The following CDH13 variants were observed in gnomAD, a reference collection of about 807,000 sequenced individuals.
CDH13 encodes the protein cadherin 13, also known as cadherin-13.
CDH13 carries 24 observed loss-of-function variants against 63.8 expected under a neutral mutation model. The ratio of observed to expected loss-of-function variants is 0.38; its 90% CI spans 0.27 to 0.53. CDH13 has a LOEUF of 0.53. Ranked by LOEUF, CDH13 falls within the 20% of genes least tolerant of loss-of-function variation. The pLI is 0.85. For missense variants in CDH13, 1,049 were observed against 903.1 expected, an observed-to-expected ratio of 1.16 and a Z score of -2.07; for synonymous variants, 503 against 355.3, an observed-to-expected ratio of 1.42 and a Z score of -4.67.
intron 10 of CDH13, among the ~76,000 whole-genome samples, chr16:83,707,314 C>T (rs1907229882): frequency 6.6e-6 from 1 of 152,106 alleles, no homozygotes; most frequent in Non-Finnish European, 1.5e-5. Flanking sequence ...CCTTGAATTC[C>T]TCCATTCTAT....
At chr16:83,353,536 A>G (rs182235603) in intron 6 of CDH13, among the ~76,000 whole-genome samples, 1 of 152,356 alleles carries the variant, frequency 6.6e-6, no homozygotes, top group Admixed American at 6.5e-5. Flanking sequence ...TAACCAACCA[A>G]CAGAACTGTA....
intron 2 of CDH13, among the ~76,000 whole-genome samples, chr16:82,934,341 A>T (rs2042597363): frequency 1.3e-5 from 2 of 152,172 alleles, no homozygotes; most frequent in Admixed American, 6.5e-5. Flanking sequence ...CCTTTTATCC[A>T]TGGCTGGAGA....
intron 2 of CDH13, among the ~76,000 whole-genome samples, chr16:82,893,737 C>G (rs752009082): frequency 6.6e-6 from 1 of 152,174 alleles, no homozygotes; most frequent in African/African-American, 2.4e-5. Flanking sequence ...AGCACAACAC[C>G]TATTAGCTCG....
intron 11 of CDH13, among the ~76,000 whole-genome samples, chr16:83,761,205 C>G (rs1729739379): frequency 6.6e-6 from 1 of 152,122 alleles, no homozygotes; most frequent in Admixed American, 6.5e-5. Context: ...AAATAAAGAG[C>G]CCTTTGGACC....
chr16:83,272,133 C>G (rs1198687801), intron 5 of CDH13, among the ~76,000 whole-genome samples: 1 of 152,188 alleles, frequency 6.6e-6, no homozygotes, highest in Non-Finnish European at 1.5e-5. Context: ...GTACCTCTCT[C>G]AGTCCTCACC....
chr16:83,031,963 CT>C, intron 2 of CDH13, 46 bp from the exon 3 acceptor site: 11 of 1,438,448 alleles, frequency 7.6e-6, no homozygotes, highest in Non-Finnish European at 1.1e-5. Flanking sequence ...CAGAGATAAG[CT>C]GCCCAACCTA....
rs73601078 is a variant in CDH13, at chr16:82,693,729, A to G, written c.45+66592A>G. Among the ~76,000 whole-genome samples the G allele has an allele frequency of 8.8e-3, 1,336 of 152,330 alleles. 15 individuals are homozygous for G. Among genetic ancestry groups the G allele is most frequent in the African/African-American group, 0.031 (1,268 of 41,572 alleles). On this transcript the variant is annotated intron_variant, in intron 1 of 13. Coordinates refer to ENST00000567109, the MANE Select transcript of CDH13 (RefSeq NM_001257.5). ...TTACATTCTGATGTTTATTTGAGCT[A>G]TTGCCTATTGCCACTTGAGGCATAT...
At chr16:83,108,816 G>A (rs1322833430) in intron 3 of CDH13, among the ~76,000 whole-genome samples, 1 of 152,106 alleles carries the variant, frequency 6.6e-6, no homozygotes, top group Non-Finnish European at 1.5e-5. Flanking sequence ...CCCATCCCTA[G>A]GAGAGTCCTC....
At chr16:83,294,597 T>C (rs532624823) in intron 5 of CDH13, among the ~76,000 whole-genome samples, 1 of 119,156 alleles carries the variant, frequency 8.4e-6, no homozygotes, top group East Asian at 2.8e-4. Context: ...TACATATATA[T>C]GTGTATGTGT....
chr16:83,311,027 G>A (rs1432090805), intron 5 of CDH13, among the ~76,000 whole-genome samples: 1 of 152,202 alleles, frequency 6.6e-6, no homozygotes, highest in Non-Finnish European at 1.5e-5. Flanking sequence ...TGTGGTGGGA[G>A]CCTCCCCACT....
chr16:83,785,130 A>T (rs1386108210), intron 13 of CDH13, among the ~76,000 whole-genome samples: 1 of 152,174 alleles, frequency 6.6e-6, no homozygotes, highest in Non-Finnish European at 1.5e-5. Flanking sequence ...AACGTTGAGC[A>T]GGGGTGGTCC....
At chr16:83,219,976 G>A (rs185997471) in intron 5 of CDH13, among the ~76,000 whole-genome samples, 1 of 152,278 alleles carries the variant, frequency 6.6e-6, no homozygotes, top group East Asian at 1.9e-4. Flanking sequence ...ACCAGCACAG[G>A]GTCATATACC....
intron 5 of CDH13, among the ~76,000 whole-genome samples, chr16:83,227,649 A>C (rs1214204560): frequency 6.6e-6 from 1 of 152,168 alleles, no homozygotes; most frequent in Non-Finnish European, 1.5e-5. Flanking sequence ...CCTGTGAGCA[A>C]AACCCCCAGG....
At chr16:83,481,516 A>T (rs2073762125) in intron 6 of CDH13, among the ~76,000 whole-genome samples, 1 of 152,224 alleles carries the variant, frequency 6.6e-6, no homozygotes, top group South Asian at 2.1e-4. Flanking sequence ...TCAAGAAACC[A>T]GGCGGCACTT....
chr16:82,984,589 T>A (rs1910699688), intron 2 of CDH13, among the ~76,000 whole-genome samples: 2 of 152,224 alleles, frequency 1.3e-5, no homozygotes, highest in Non-Finnish European at 2.9e-5. Flanking sequence ...TGCCAGTCAC[T>A]ATTTCAACTC....
chr16:83,056,339 C>A (rs1292357073), intron 3 of CDH13, among the ~76,000 whole-genome samples: 1 of 152,058 alleles, frequency 6.6e-6, no homozygotes, highest in Admixed American at 6.6e-5. Flanking sequence ...ACACTAAAGG[C>A]TCTTACAAGA....
At chr16:83,350,227 C>T (rs1304931495) in intron 6 of CDH13, among the ~76,000 whole-genome samples, 1 of 152,328 alleles carries the variant, frequency 6.6e-6, no homozygotes. Flanking sequence ...GCTCTCCTGG[C>T]TTTTAGCCAC....
At chr16:83,267,759 G>A (rs1393265693) in intron 5 of CDH13, among the ~76,000 whole-genome samples, 1 of 152,156 alleles carries the variant, frequency 6.6e-6, no homozygotes, top group African/African-American at 2.4e-5. Context: ...CCAGGACCAT[G>A]AGCCAAATAA....
At chr16:83,201,594 A>C (rs1226569817) in intron 4 of CDH13, among the ~76,000 whole-genome samples, 1 of 152,064 alleles carries the variant, frequency 6.6e-6, no homozygotes, top group African/African-American at 2.4e-5. Flanking sequence ...ACCAAGGCTG[A>C]GGAATAAGAT....
Sources: allele counts gnomAD v4.1 joint callset (sites outside exome capture counted in the v4.1 genomes callset), GRCh38; gene constraint gnomAD v4.1.1; transcripts MANE v1.5; gene names NCBI Gene and HGNC (gene_info 2026-07-23, HGNC 2026-07-21).